The following CPLANE1 variants were observed in gnomAD, a reference collection of about 807,000 sequenced individuals.
CPLANE1 encodes the protein ciliogenesis and planar polarity effector 1.
Under a neutral mutation model 362.5 loss-of-function variants are expected in CPLANE1, and 263 were observed. That is an observed-to-expected ratio of 0.73 (90% CI 0.66 to 0.80). The LOEUF is 0.80. Ranked by LOEUF, CPLANE1 falls within the 30% of genes least tolerant of loss-of-function variation. CPLANE1 has a pLI of 0.00. For synonymous variants in CPLANE1, 1,212 were observed against 1,302.6 expected (o/e 0.93, Z 1.50); for missense variants, 3,461 against 3,793.4 (o/e 0.91, Z 2.30).
chr5:37,197,950 T>C (rs543024398), intron 20 of CPLANE1, among the ~76,000 whole-genome samples: 1 of 152,308 alleles, frequency 6.6e-6, no homozygotes, highest in Admixed American at 6.5e-5. Flanking sequence ...AAAATACTTT[T>C]AGATAACTTA....
intron 43 of CPLANE1, among the ~76,000 whole-genome samples, chr5:37,143,448 C>A (rs952832763): frequency 6.6e-6 from 1 of 152,014 alleles, no homozygotes; most frequent in Non-Finnish European, 1.5e-5. Flanking sequence ...ATCCAAAGAG[C>A]AGATAGATTT....
intron 50 of CPLANE1, among the ~76,000 whole-genome samples, chr5:37,118,718 C>CT (rs34865341): frequency 0.3 from 42,073 of 142,448 alleles, 10,576 homozygotes; most frequent in African/African-American, 0.7. Context: ...TGTTATTTTA[C>CT]TTTTTTTTTT....
intron 8 of CPLANE1, among the ~76,000 whole-genome samples, chr5:37,236,232 C>T (rs1798963363): frequency 6.6e-6 from 1 of 152,042 alleles, no homozygotes; most frequent in African/African-American, 2.4e-5. Context: ...AAACAGCACA[C>T]AGATAAATGT....
chr5:37,157,903 A>C, intron 39 of CPLANE1, 35 bp from the exon 40 acceptor site: 6 of 835,496 alleles, frequency 7.2e-6, no homozygotes, highest in South Asian at 1.6e-5. Flanking sequence ...AGAGGGTTAC[A>C]TTCTTTTTAC....
At chr5:37,105,671 A>C (rs527708650), downstream of CPLANE1, among the ~76,000 whole-genome samples, 244 of 152,348 alleles carry the variant, frequency 1.6e-3, 4 homozygotes, top group South Asian at 0.035. Flanking sequence ...AAATAGAATT[A>C]CATCAAGCTG....
At chr5:37,179,901 A>T (rs1782190083) in intron 28 of CPLANE1, 116 bp downstream of exon 28, 1 of 553,090 alleles carries the variant, frequency 1.8e-6, no homozygotes, top group Non-Finnish European at 3.1e-6. Context: ...TTTTTATTTT[A>T]GGCTACTGTA....
chr5:37,224,197 C>A (rs1795959853), intron 14 of CPLANE1, 56 bp downstream of exon 14: 5 of 1,176,990 alleles, frequency 4.2e-6, no homozygotes, highest in Non-Finnish European at 6.1e-6. Flanking sequence ...AGGTCTACAG[C>A]AAGCTAAAAG....
At chr5:37,084,882 GAC>G in the CPLANE1 span, among the ~76,000 whole-genome samples, 3 of 151,814 alleles carry the variant, frequency 2.0e-5, no homozygotes, top group African/African-American at 7.3e-5. Context: ...AACACATAAG[GAC>G]TCATATAAAC....
At chr5:37,087,856 G>A in the CPLANE1 span, among the ~76,000 whole-genome samples, 1 of 152,228 alleles carries the variant, frequency 6.6e-6, no homozygotes, top group Admixed American at 6.5e-5. Context: ...GCCTTGGCAG[G>A]CCACTTGCAT....
At chr5:37,141,685 T>A in intron 44 of CPLANE1, 1 of 984,226 alleles carries the variant, frequency 1.0e-6, no homozygotes, top group Non-Finnish European at 1.2e-6. Flanking sequence ...AGAAAAAAAA[T>A]ATTTCCAAGC....
chr5:37,241,882 G>C (rs1000887631), intron 6 of CPLANE1, among the ~76,000 whole-genome samples: 1 of 151,768 alleles, frequency 6.6e-6, no homozygotes, highest in Non-Finnish European at 1.5e-5. Context: ...CTCCTGCCTC[G>C]GCCTCCCAGA....
chr5:37,089,358 G>A, the CPLANE1 span, among the ~76,000 whole-genome samples: 3 of 152,040 alleles, frequency 2.0e-5, no homozygotes, highest in Non-Finnish European at 4.4e-5. Context: ...TAGCCCAATG[G>A]GGGGTTACTC....
Position 37,107,108 on chromosome 5 carries a change from G to T in CPLANE1, c.*494C>A, listed in dbSNP as rs1437658887. Reference sequence around the variant, plus strand: ...GATTCAGGGTTGGTAAAAGGTAGTTGGTTTTTCTTTTCACTCCTAGGCTAA... The same window carrying T: ...GATTCAGGGTTGGTAAAAGGTAGTTTGTTTTTCTTTTCACTCCTAGGCTAA... On this transcript the variant is annotated 3_prime_UTR_variant, in exon 53 of 53. Transcript: ENST00000651892. 1 of 985,176 alleles carries T rather than the reference G, an allele frequency of 1.0e-6. No homozygotes were observed. Among genetic ancestry groups the T allele is most frequent in the African/African-American group, 1.7e-5 (1 of 57,192 alleles). The allele number at this position is 985,176 out of a possible 1,614,324, so 61.0% of individuals were successfully genotyped here.
chr5:37,243,988 T>C (rs973165844), intron 5 of CPLANE1, among the ~76,000 whole-genome samples: 1 of 151,526 alleles, frequency 6.6e-6, no homozygotes, highest in Admixed American at 6.6e-5. Flanking sequence ...GTAGCTGGGA[T>C]TACAGGCATG....
Position 37,203,265 on chromosome 5 carries a change from C to T in CPLANE1, c.3290-1457G>A, listed in dbSNP as rs183912984. ...TAGTTTTGTTTTTTATAGAATGCCA[C>T]AGAAATGGAATCATACGGTATGTAG... On this transcript the variant is annotated intron_variant, in intron 18 of 52. Transcript: ENST00000651892. 1.1e-3 allele frequency among the ~76,000 whole-genome samples: 160 copies of T among 152,268 alleles called. 1 individual carries two copies. The highest frequency in any genetic ancestry group is 1.4e-3 in the Non-Finnish European group (98 of 68,014).
At chr5:37,211,672 G>C (rs1792643641) in intron 16 of CPLANE1, 2 of 791,356 alleles carry the variant, frequency 2.5e-6, no homozygotes, top group Non-Finnish European at 4.6e-6. Context: ...TATCCTGACA[G>C]AATGCCCCCG....
intron 8 of CPLANE1, among the ~76,000 whole-genome samples, chr5:37,233,958 A>G (rs918173517): frequency 6.6e-6 from 1 of 152,240 alleles, no homozygotes; most frequent in Non-Finnish European, 1.5e-5. Flanking sequence ...TGAGGAAATC[A>G]CAGGTGCCAC....
intron 8 of CPLANE1, among the ~76,000 whole-genome samples, chr5:37,232,929 C>T (rs1159541460): frequency 6.6e-6 from 1 of 150,706 alleles, no homozygotes; most frequent in Non-Finnish European, 1.5e-5. Flanking sequence ...TGGAGAGGAA[C>T]CATGGACTGT....
In CPLANE1 at chr5:37,226,290, A is replaced by G; in HGVS notation, c.2291+14T>C. 1 of 1,452,224 alleles carries G rather than the reference A, an allele frequency of 6.9e-7. No homozygotes were observed. The allele number at this position is 1,452,224 out of a possible 1,614,324, so 90.0% of individuals were successfully genotyped here. On this transcript the variant is annotated intron_variant, in intron 12 of 52. Transcript: ENST00000651892. ...AAGCTAATAGTATCCCAGTATTAAA[A>G]TAAGTGATTATACCTGTGTCCTGGC...
Sources: allele counts gnomAD v4.1 joint callset (sites outside exome capture counted in the v4.1 genomes callset), GRCh38; gene constraint gnomAD v4.1.1; transcripts MANE v1.5; gene names NCBI Gene and HGNC (gene_info 2026-07-23, HGNC 2026-07-21).